The following KCNT2 variants were observed in gnomAD, a reference collection of about 807,000 sequenced individuals.
The protein encoded by KCNT2 is potassium channel subfamily T member 2.
KCNT2 carries 67 observed loss-of-function variants against 153.8 expected under a neutral mutation model. The ratio of observed to expected loss-of-function variants is 0.44; its 90% CI spans 0.36 to 0.53. KCNT2 has a LOEUF of 0.53. KCNT2 is among the 20% of genes least tolerant of loss of function. KCNT2 has a pLI of 0.00. For missense variants in KCNT2, 975 were observed against 1,354.8 expected (o/e 0.72, Z 4.40); for synonymous variants, 500 against 458.8 (o/e 1.09, Z -1.15).
chr1:196,298,082 G>C (rs369184793), intron 22 of KCNT2, among the ~76,000 whole-genome samples: 1 of 152,048 alleles, frequency 6.6e-6, no homozygotes. Context: ...CCAATCACTG[G>C]TAGAAATTCT....
intron 14 of KCNT2, among the ~76,000 whole-genome samples, chr1:196,350,640 C>G (rs1043497036): frequency 1.3e-5 from 2 of 152,000 alleles, no homozygotes; most frequent in African/African-American, 4.8e-5. Flanking sequence ...AAATTTTCTC[C>G]CATTTTGTAG....
rs549633001 is a variant in KCNT2, at chr1:196,237,236, C to A, written c.3212-1166G>T. ...ATAAAATAATGTTGACTACTGTGTT[C>A]CTCTAACGAGAAACCTGTCACTTTA... On this transcript the variant is annotated intron_variant, in intron 26 of 27. Coordinates refer to ENST00000294725, the MANE Select transcript of KCNT2 (RefSeq NM_198503.5). Among the ~76,000 whole-genome samples, 67 of 151,792 alleles carry A rather than the reference C, an allele frequency of 4.4e-4. 1 individual carries two copies. Among genetic ancestry groups the A allele is most frequent in the African/African-American group, 1.6e-3 (66 of 41,478 alleles).
chr1:196,495,294 T>C (rs2148744317), intron 1 of KCNT2, among the ~76,000 whole-genome samples: 1 of 152,068 alleles, frequency 6.6e-6, no homozygotes, highest in East Asian at 1.9e-4. Flanking sequence ...TAATGATAAC[T>C]CTTTCTAGCA....
Position 196,288,926 on chromosome 1 carries a change from C to G in KCNT2, c.2596-3168G>C, listed in dbSNP as rs546480014. On this transcript the variant is annotated intron_variant, in intron 22 of 27. Coordinates refer to ENST00000294725, the MANE Select transcript of KCNT2 (RefSeq NM_198503.5). ...ATACAATAGTTTCAGTCAAGTGTTT[C>G]CGCTTACTAATTGTATGATCTTTTA... Among the ~76,000 whole-genome samples, 16 of 152,188 alleles carry G rather than the reference C, an allele frequency of 1.1e-4. No individual in the cohort carries two copies. The South Asian group carries it at 2.1e-3, about 20-fold the overall frequency.
chr1:196,591,450 A>AC (rs1430103290), intron 1 of KCNT2, among the ~76,000 whole-genome samples: 1 of 151,810 alleles, frequency 6.6e-6, no homozygotes, highest in Non-Finnish European at 1.5e-5. Context: ...GTCATATACC[A>AC]CCCCCGCACC....
chr1:196,558,600 A>G (rs978976632), intron 1 of KCNT2, among the ~76,000 whole-genome samples: 3 of 151,538 alleles, frequency 2.0e-5, no homozygotes, highest in African/African-American at 7.3e-5. Context: ...AAAACGAAAC[A>G]AAAAGCAAAT....
At chr1:196,284,709 AG>A (rs1308885094) in intron 23 of KCNT2, among the ~76,000 whole-genome samples, 1 of 152,086 alleles carries the variant, frequency 6.6e-6, no homozygotes, top group African/African-American at 2.4e-5. Flanking sequence ...TAGGGATAAT[AG>A]GGGTATTTAT....
chr1:196,564,609 C>T (rs988708676), intron 1 of KCNT2, among the ~76,000 whole-genome samples: 1 of 151,756 alleles, frequency 6.6e-6, no homozygotes, highest in Non-Finnish European at 1.5e-5. Flanking sequence ...TACCACAAAG[C>T]TATAGTAATC....
chr1:196,467,456 A>G (rs1677722518), intron 7 of KCNT2, among the ~76,000 whole-genome samples: 1 of 152,144 alleles, frequency 6.6e-6, no homozygotes. Flanking sequence ...GACTCATTAA[A>G]AAAACATTTA....
chr1:196,367,638 A>G (rs1447322826), intron 14 of KCNT2, among the ~76,000 whole-genome samples: 1 of 152,194 alleles, frequency 6.6e-6, no homozygotes, highest in African/African-American at 2.4e-5. Flanking sequence ...TTTCTTTGCT[A>G]TGTATAATTT....
chr1:196,436,995 G>C (rs1288566760), intron 8 of KCNT2, among the ~76,000 whole-genome samples: 2 of 72,142 alleles, frequency 2.8e-5, no homozygotes, highest in Non-Finnish European at 5.9e-5. Context: ...ATATTGTTTT[G>C]TGACTGGGAA....
chr1:196,525,264 G>A (rs1223466187), intron 1 of KCNT2, among the ~76,000 whole-genome samples: 1 of 152,060 alleles, frequency 6.6e-6, no homozygotes, highest in Non-Finnish European at 1.5e-5. Context: ...CAAATTCCCA[G>A]ATGGAGTTGA....
chr1:196,458,215 CA>C (rs1320850970), intron 8 of KCNT2, among the ~76,000 whole-genome samples: 3 of 151,308 alleles, frequency 2.0e-5, no homozygotes, highest in African/African-American at 7.3e-5. Context: ...TAATATAAAA[CA>C]AAAATTATAT....
chr1:196,439,045 C>A (rs1223862902), intron 8 of KCNT2, among the ~76,000 whole-genome samples: 1 of 151,736 alleles, frequency 6.6e-6, no homozygotes, highest in Non-Finnish European at 1.5e-5. Flanking sequence ...AGATAAATCT[C>A]GCCATTCACA....
At chr1:196,481,262 A>G (rs1198137042) in intron 4 of KCNT2, among the ~76,000 whole-genome samples, 1 of 152,190 alleles carries the variant, frequency 6.6e-6, no homozygotes, top group African/African-American at 2.4e-5. Context: ...TGACTTTGAA[A>G]GACATGTGGA....
intron 1 of KCNT2, among the ~76,000 whole-genome samples, chr1:196,512,034 T>G (rs1681676515): frequency 6.6e-6 from 1 of 152,078 alleles, no homozygotes. Context: ...AATCAGCAAT[T>G]TTTCAAGGTC....
intron 25 of KCNT2, among the ~76,000 whole-genome samples, chr1:196,263,942 G>A (rs977666013): frequency 6.6e-6 from 1 of 151,978 alleles, no homozygotes; most frequent in Non-Finnish European, 1.5e-5. Flanking sequence ...ACTGCATTGT[G>A]TGTATATGTG....
chr1:196,284,210 G>A (rs566520083), intron 23 of KCNT2, among the ~76,000 whole-genome samples: 12 of 71,180 alleles, frequency 1.7e-4, no homozygotes, highest in African/African-American at 4.3e-4. Flanking sequence ...TAGACTGGGC[G>A]ACAGAGCAAG....
chr1:196,389,272 A>C (rs1244927680), intron 13 of KCNT2, among the ~76,000 whole-genome samples: 1 of 151,716 alleles, frequency 6.6e-6, no homozygotes, highest in Non-Finnish European at 1.5e-5. Context: ...TGTGTTCATA[A>C]AACGTATCAG....
Sources: allele counts gnomAD v4.1 joint callset (sites outside exome capture counted in the v4.1 genomes callset), GRCh38; gene constraint gnomAD v4.1.1; transcripts MANE v1.5; gene names NCBI Gene and HGNC (gene_info 2026-07-23, HGNC 2026-07-21).